Variants in IREB2 observed in about 807,000 individuals in gnomAD.
IREB2 encodes iron responsive element binding protein 2, also known as iron-responsive element-binding protein 2.
Under a neutral mutation model 118.8 loss-of-function variants are expected in IREB2, and 39 were observed. The observed-to-expected ratio is 0.33, with a 90% CI of 0.25 to 0.43. The LOEUF (loss-of-function observed/expected upper bound fraction) is 0.43. IREB2 is among the 20% of genes least tolerant of loss of function. The pLI, the probability that IREB2 is intolerant of heterozygous loss-of-function variation, is 1.00. For missense variants in IREB2, 900 were observed against 1,147.3 expected (o/e 0.78, Z 3.11); for synonymous variants, 372 against 392.2 (o/e 0.95, Z 0.61).
chr15:78,448,080 G>T (rs977848121), intron 2 of IREB2, among the ~76,000 whole-genome samples: 1 of 152,198 alleles, frequency 6.6e-6, no homozygotes, highest in Non-Finnish European at 1.5e-5. Flanking sequence ...AAAATCTTAT[G>T]CAGGAATCTG....
At chr15:78,497,749 T>G (rs758500499) in intron 21 of IREB2, among the ~76,000 whole-genome samples, 2 of 152,172 alleles carry the variant, frequency 1.3e-5, no homozygotes, top group Non-Finnish European at 2.9e-5. Context: ...ATATTTGGTG[T>G]AAAATGAATG....
intron 9 of IREB2, among the ~76,000 whole-genome samples, chr15:78,477,855 A>C (rs1227652513): frequency 1.3e-5 from 2 of 152,112 alleles, no homozygotes; most frequent in Non-Finnish European, 2.9e-5. Context: ...CAGGAGTTCA[A>C]AACTGCAGTG....
At chr15:78,479,151 C>T (rs1014472169) in intron 10 of IREB2, among the ~76,000 whole-genome samples, 2 of 151,776 alleles carry the variant, frequency 1.3e-5, no homozygotes, top group African/African-American at 2.4e-5. Context: ...GGCAGGGTCT[C>T]ATTTTATTTT....
chr15:78,438,483 TC>T, intron 1 of IREB2, 127 bp downstream of exon 1: 1 of 1,090,742 alleles, frequency 9.2e-7, no homozygotes, highest in East Asian at 2.6e-5. Context: ...CGGGTTGTGC[TC>T]CCCTCGGGGC....
chr15:78,464,775 C>T (rs922166889), intron 3 of IREB2, among the ~76,000 whole-genome samples: 1 of 152,116 alleles, frequency 6.6e-6, no homozygotes, highest in East Asian at 1.9e-4. Flanking sequence ...AGAACTATGT[C>T]TTATTTGGCC....
intron 9 of IREB2, among the ~76,000 whole-genome samples, chr15:78,476,964 A>T (rs545693295): frequency 6.6e-6 from 1 of 152,294 alleles, no homozygotes; most frequent in African/African-American, 2.4e-5. Context: ...AATCTCTTTA[A>T]TGAGGTAATC....
At chr15:78,465,741 A>G (rs1040649443) in intron 4 of IREB2, among the ~76,000 whole-genome samples, 3 of 152,200 alleles carry the variant, frequency 2.0e-5, no homozygotes, top group African/African-American at 7.2e-5. Flanking sequence ...TGGTGATTAA[A>G]AACATTGAAC....
In IREB2 at chr15:78,497,568, G is replaced by A. The variant is rs552080372; in HGVS notation, c.2781+257G>A. Among the ~76,000 whole-genome samples, 14 of 152,270 alleles carry A rather than the reference G, an allele frequency of 9.2e-5. 1 individual carries two copies. In the South Asian group the frequency reaches 2.9e-3, roughly 32 times the overall value. ...GAATCTTGACTTCCACTTAACAAGT[G>A]TCAGCTTTCTTTTCATGGTGGTCAT... On this transcript the variant is annotated intron_variant, in intron 21 of 21. Transcript: ENST00000258886.
intron 7 of IREB2, among the ~76,000 whole-genome samples, chr15:78,472,336 T>C (rs1044436702): frequency 1.3e-5 from 2 of 152,144 alleles, no homozygotes; most frequent in Non-Finnish European, 1.5e-5. Flanking sequence ...ATTTCTTTAC[T>C]TACGTGGGCT....
At chr15:78,467,382 T>C (rs1370240846) in intron 5 of IREB2, among the ~76,000 whole-genome samples, 1 of 152,150 alleles carries the variant, frequency 6.6e-6, no homozygotes, top group African/African-American at 2.4e-5. Flanking sequence ...TAATGTGTAA[T>C]TTTTTTAAAT....
intron 2 of IREB2, among the ~76,000 whole-genome samples, chr15:78,440,713 C>T (rs1277272179): frequency 6.6e-6 from 1 of 152,084 alleles, no homozygotes; most frequent in Non-Finnish European, 1.5e-5. Flanking sequence ...TTCTTTTTGC[C>T]ATCTGTTGAA....
Position 78,485,688 on chromosome 15 carries a change from G to T in IREB2, c.1574-17G>T. On this transcript the variant is annotated splice_polypyrimidine_tract_variant and intron_variant, in intron 12 of 21. Coordinates refer to ENST00000258886, the MANE Select transcript of IREB2 (RefSeq NM_004136.4). ...AGAAACATTGCCATAATAAATCATT[G>T]TTTGTTGGCTGTGCAGGTCTTTTGG... The T allele has an allele frequency of 6.2e-7, 1 of 1,610,626 alleles. No homozygotes were observed. Among genetic ancestry groups the T allele is most frequent in the Non-Finnish European group, 8.5e-7 (1 of 1,178,390 alleles).
At chr15:78,483,268 C>A in intron 10 of IREB2, 50 bp from the exon 11 acceptor site, 1 of 863,674 alleles carries the variant, frequency 1.2e-6, no homozygotes, top group Non-Finnish European at 2.0e-6. Context: ...TGGAATCTGT[C>A]GTAAGGAATT....
chr15:78,449,022 G>A (rs1450725256), intron 2 of IREB2, among the ~76,000 whole-genome samples: 1 of 152,172 alleles, frequency 6.6e-6, no homozygotes, highest in Non-Finnish European at 1.5e-5. Flanking sequence ...GATAAGCACG[G>A]AAGATAGTTT....
At chr15:78,443,935 T>C (rs960722736) in intron 2 of IREB2, among the ~76,000 whole-genome samples, 7 of 152,188 alleles carry the variant, frequency 4.6e-5, no homozygotes, top group African/African-American at 1.7e-4. Context: ...CGTGAACCAC[T>C]GCACGCAGCC....
chr15:78,444,281 T>C (rs752910144), intron 2 of IREB2, among the ~76,000 whole-genome samples: 2 of 152,112 alleles, frequency 1.3e-5, no homozygotes, highest in Non-Finnish European at 2.9e-5. Flanking sequence ...CCATGTATGA[T>C]GGAGGACAGT....
intron 11 of IREB2, among the ~76,000 whole-genome samples, chr15:78,484,181 T>G (rs976573865): frequency 6.6e-6 from 1 of 152,116 alleles, no homozygotes; most frequent in African/African-American, 2.4e-5. Context: ...GTTTTAGTCT[T>G]GTCACTTTCT....
chr15:78,491,252 A>G (rs1225064928), intron 18 of IREB2, among the ~76,000 whole-genome samples: 1 of 152,190 alleles, frequency 6.6e-6, no homozygotes, highest in African/African-American at 2.4e-5. Context: ...TTTTATAGGA[A>G]CAATAAACGT....
chr15:78,484,105 A>T (rs771215816), intron 11 of IREB2, among the ~76,000 whole-genome samples: 3 of 151,960 alleles, frequency 2.0e-5, no homozygotes, highest in Non-Finnish European at 4.4e-5. Flanking sequence ...AAAATTTGGT[A>T]AATGTGACCG....
Sources: allele counts gnomAD v4.1 joint callset (sites outside exome capture counted in the v4.1 genomes callset), GRCh38; gene constraint gnomAD v4.1.1; transcripts MANE v1.5; gene names NCBI Gene and HGNC (gene_info 2026-07-23, HGNC 2026-07-21).